The following PCDH15 variants were observed in gnomAD, a reference collection of about 807,000 sequenced individuals.
PCDH15 encodes the protein protocadherin-15.
PCDH15 carries 129 observed loss-of-function variants against 178.5 expected under a neutral mutation model. That is an observed-to-expected ratio of 0.72 (90% CI 0.63 to 0.84). PCDH15 has a LOEUF of 0.84. Ranked by LOEUF, PCDH15 falls within the 40% of genes least tolerant of loss-of-function variation. The pLI is 0.00. For synonymous variants in PCDH15, 800 were observed against 732.0 expected, an observed-to-expected ratio of 1.09 and a Z score of -1.50; for missense variants, 2,230 against 2,099.9, an observed-to-expected ratio of 1.06 and a Z score of -1.21.
chr10:54,547,804 C>A (rs571896671), intron 2 of PCDH15, among the ~76,000 whole-genome samples: 2 of 152,120 alleles, frequency 1.3e-5, no homozygotes, highest in African/African-American at 2.4e-5. Flanking sequence ...TAGGAACGAA[C>A]AAAAGTGCTG....
intron 1 of PCDH15, among the ~76,000 whole-genome samples, chr10:55,277,136 T>C (rs914043221): frequency 6.6e-6 from 1 of 152,096 alleles, no homozygotes; most frequent in African/African-American, 2.4e-5. Flanking sequence ...TCTAATCTGC[T>C]ATACTATCAC....
intron 2 of PCDH15, among the ~76,000 whole-genome samples, chr10:55,586,034 A>G (rs1842721736): frequency 1.3e-5 from 2 of 152,062 alleles, no homozygotes; most frequent in Admixed American, 6.6e-5. Flanking sequence ...TTTGGAAATC[A>G]TCATCATCAC....
At chr10:54,216,406 G>A (rs1411542803) in intron 9 of PCDH15, among the ~76,000 whole-genome samples, 2 of 152,148 alleles carry the variant, frequency 1.3e-5, no homozygotes, top group Admixed American at 1.3e-4. Context: ...TGCGTGAGCT[G>A]AGATTGTGCC....
intron 2 of PCDH15, among the ~76,000 whole-genome samples, chr10:54,570,251 T>C (rs1378776651): frequency 6.6e-6 from 1 of 152,112 alleles, no homozygotes; most frequent in Non-Finnish European, 1.5e-5. Flanking sequence ...TGCTTTTTAA[T>C]GGTTATTTTT....
At chr10:54,723,036 A>C (rs1941901701) in intron 1 of PCDH15, among the ~76,000 whole-genome samples, 1 of 150,760 alleles carries the variant, frequency 6.6e-6, no homozygotes, top group South Asian at 2.1e-4. Context: ...CATAATTATA[A>C]AAAAAAAATC....
intron 2 of PCDH15, among the ~76,000 whole-genome samples, chr10:55,039,234 T>G (rs1187419935): frequency 6.6e-6 from 1 of 152,038 alleles, no homozygotes; most frequent in Admixed American, 6.6e-5. Flanking sequence ...AATTAAGATG[T>G]GAGATACTGA....
chr10:54,293,861 C>T (rs1331361283), intron 8 of PCDH15, among the ~76,000 whole-genome samples: 1 of 152,176 alleles, frequency 6.6e-6, no homozygotes, highest in Non-Finnish European at 1.5e-5. Context: ...CACTTTTACA[C>T]TGTTGGTGGG....
chr10:54,070,870 G>A (rs2094227838), intron 17 of PCDH15, among the ~76,000 whole-genome samples: 1 of 151,996 alleles, frequency 6.6e-6, no homozygotes, highest in East Asian at 1.9e-4. Flanking sequence ...GGGGTTATAG[G>A]TCTGAGCCGC....
intron 5 of PCDH15, among the ~76,000 whole-genome samples, chr10:54,365,971 TATA>T (rs1272175373): frequency 6.6e-6 from 1 of 152,110 alleles, no homozygotes; most frequent in African/African-American, 2.4e-5. Flanking sequence ...GTGATTATGA[TATA>T]ATACCATAAA....
At position 55,508,294 on chromosome 10, in the gene PCDH15, C is replaced by A. The variant is rs192149652; in HGVS notation, c.-156+119331G>T. 1.2e-3 allele frequency among the ~76,000 whole-genome samples: 186 copies of A among 151,682 alleles called. 2 individuals carry two copies. Among genetic ancestry groups the A allele is most frequent in the African/African-American group, 4.2e-3 (176 of 41,464 alleles). ...GGAAGAGAGCAGTTCCATTTTTTTA[C>A]CCTTTCATATATTCTATTAGAAATC... On this transcript the variant is annotated intron_variant, in intron 2 of 5. Coordinates refer to the PCDH15 transcript ENST00000613346.
chr10:54,285,336 A>G (rs1347490654), intron 8 of PCDH15, among the ~76,000 whole-genome samples: 15 of 152,256 alleles, frequency 9.9e-5, no homozygotes, highest in South Asian at 8.3e-4. Flanking sequence ...CAGATAAGAT[A>G]TTAATATCCA....
intron 1 of PCDH15, among the ~76,000 whole-genome samples, chr10:55,310,526 A>C (rs1381399429): frequency 1.3e-5 from 2 of 152,224 alleles, no homozygotes; most frequent in East Asian, 3.8e-4. Flanking sequence ...AATTATGCTA[A>C]AGAAAATAAT....
chr10:54,175,486 G>T (rs527864247), intron 13 of PCDH15, among the ~76,000 whole-genome samples: 60 of 152,206 alleles, frequency 3.9e-4, no homozygotes, highest in African/African-American at 1.3e-3. Context: ...TATGAGAATG[G>T]TACAGTAATA....
intron 2 of PCDH15, among the ~76,000 whole-genome samples, chr10:54,984,650 G>A (rs1839319956): frequency 6.6e-6 from 1 of 152,056 alleles, no homozygotes; most frequent in African/African-American, 2.4e-5. Flanking sequence ...ACCAGCCTGG[G>A]CAACATCGTA....
chr10:54,065,882 T>A (rs2094127740), intron 18 of PCDH15, among the ~76,000 whole-genome samples: 1 of 152,156 alleles, frequency 6.6e-6, no homozygotes, highest in Non-Finnish European at 1.5e-5. Flanking sequence ...GAGCTAAAAA[T>A]CAGATCTTGT....
chr10:55,616,412 G>C (rs1843476316), intron 2 of PCDH15, among the ~76,000 whole-genome samples: 2 of 151,864 alleles, frequency 1.3e-5, no homozygotes, highest in Non-Finnish European at 1.5e-5. Flanking sequence ...AAAGGAGCTA[G>C]ATGAATTGCA....
chr10:55,315,809 AG>A (rs1205085731), intron 1 of PCDH15, among the ~76,000 whole-genome samples: 1 of 152,062 alleles, frequency 6.6e-6, no homozygotes, highest in Non-Finnish European at 1.5e-5. Context: ...CGAGGTCAGA[AG>A]TTCAAGACCA....
intron 2 of PCDH15, among the ~76,000 whole-genome samples, chr10:55,478,156 C>A (rs1158903999): frequency 6.6e-6 from 1 of 151,674 alleles, no homozygotes; most frequent in Non-Finnish European, 1.5e-5. Context: ...TATTGATGCA[C>A]CTAAATACAT....
chr10:53,823,974 T>C (rs1033748462), intron 32 of PCDH15, among the ~76,000 whole-genome samples: 4 of 152,118 alleles, frequency 2.6e-5, no homozygotes, highest in Non-Finnish European at 5.9e-5. Flanking sequence ...TTTTCTTCTG[T>C]TTAAATTTTG....
Sources: allele counts gnomAD v4.1 joint callset (sites outside exome capture counted in the v4.1 genomes callset), GRCh38; gene constraint gnomAD v4.1.1; transcripts MANE v1.5; gene names NCBI Gene and HGNC (gene_info 2026-07-23, HGNC 2026-07-21).